FNBP4: variants seen among roughly 807,000 people sequenced by gnomAD.
The protein encoded by FNBP4 is formin binding protein 4.
FNBP4 carries 34 observed loss-of-function variants against 119.3 expected under a neutral mutation model. The ratio of observed to expected loss-of-function variants is 0.28; its 90% CI spans 0.22 to 0.38. FNBP4 has a LOEUF of 0.38. Ranked by LOEUF, FNBP4 falls within the 10% of genes least tolerant of loss-of-function variation. The pLI, the probability that FNBP4 is intolerant of heterozygous loss-of-function variation, is 1.00. For missense variants in FNBP4, 1,112 were observed against 1,228.9 expected (o/e 0.90, Z 1.42); for synonymous variants, 462 against 430.6 (o/e 1.07, Z -0.90).
rs1199962505 is a variant in FNBP4, at chr11:47,732,798, A to G, written c.1687-128T>C. The stretch of plus-strand genomic sequence containing the variant: ...CTGGCAGGACAGTAGACCAGAGAGG[A>G]AAATAAACCCCATCTTCATCTCATA... On this transcript the variant is annotated intron_variant, in intron 10 of 16. Transcript: ENST00000263773. This position sits in a 1 kb window ranked among gnomAD's most constrained non-coding sequence, Gnocchi z 4.2. The G allele has an allele frequency of 2.4e-6, 2 of 823,766 alleles. No individual in the cohort carries two copies. The highest frequency in any genetic ancestry group is 1.7e-5 in the African/African-American group (1 of 57,928). The allele number at this position is 823,766 out of a possible 1,614,324, so 51.0% of individuals were successfully genotyped here. A position where few individuals can be genotyped will look rare whatever the true frequency, so the allele number is the denominator to read the frequency against.
chr11:47,758,872 G>T (rs1459192764), intron 2 of FNBP4, among the ~76,000 whole-genome samples: 1 of 151,830 alleles, frequency 6.6e-6, no homozygotes, highest in Non-Finnish European at 1.5e-5. Context: ...AAAGCGGGGG[G>T]GAAAAGAGAG....
In FNBP4 at chr11:47,753,097, G is replaced by A. The variant is rs61733166; in HGVS notation, c.456C>T (p.Ile152=). The A allele has an allele frequency of 8.0e-5, 129 of 1,606,368 alleles. No individual in the cohort carries two copies. Among genetic ancestry groups the A allele is most frequent in the Admixed American group, 1.6e-4 (9 of 56,948 alleles). ...CAGGCTGAGGAGCTGTTATGGCATC[G>A]ATCTCCTTCAGTATGAAAAGAGTAA... is the stretch of plus-strand genomic sequence containing the variant. The part of the protein sequence containing the change: ...DSTLANFLAE[I]DAITAPQPAA... The change falls in exon 4 of 17, where the codon ATC becomes ATT. Residue 152 remains isoleucine, a synonymous_variant. Coordinates refer to ENST00000263773, the MANE Select transcript of FNBP4 (RefSeq NM_015308.5).
chr11:47,740,314 C>G (rs1186791708), intron 8 of FNBP4, among the ~76,000 whole-genome samples: 1 of 151,466 alleles, frequency 6.6e-6, no homozygotes, highest in Admixed American at 6.6e-5. Flanking sequence ...ACTCGGGAGG[C>G]TGAGATAGAA....
intron 14 of FNBP4, 29 bp from the exon 15 acceptor site, chr11:47,723,345 T>C (rs781676627): frequency 3.2e-6 from 5 of 1,562,038 alleles, no homozygotes; most frequent in Admixed American, 1.8e-5. Flanking sequence ...AATGATACTA[T>C]AAAAAGGACA....
chr11:47,719,135 G>A lies in FNBP4; in HGVS notation c.2963+794C>T, dbSNP rs182648902. ...GAATTCCTGACCTCGTGATCCACCC[G>A]CCTTGGCCTCCCAAAGTGCTGGGAT... On this transcript the variant is annotated intron_variant, in intron 16 of 16. Coordinates refer to ENST00000263773, the MANE Select transcript of FNBP4 (RefSeq NM_015308.5). Among the ~76,000 whole-genome samples, 655 of 152,156 alleles carry A rather than the reference G, an allele frequency of 4.3e-3. 1 individual carries two copies. Among genetic ancestry groups the A allele is most frequent in the African/African-American group, 0.015 (636 of 41,514 alleles).
rs2097649734 is a variant in FNBP4, at chr11:47,767,257, C to A, written c.32G>T (p.Arg11Leu). 1 of 1,557,094 alleles carries A rather than the reference C, an allele frequency of 6.4e-7. No individual in the cohort carries two copies. The highest frequency in any genetic ancestry group is 8.6e-7 in the Non-Finnish European group (1 of 1,160,104). The change falls in exon 1 of 17, where the codon CGT (arginine) becomes CTT (leucine). Residue 11 changes from arginine (R) to leucine (L), a missense_variant. By Grantham distance (102) the Arg-to-Leu change is moderately radical. This residue lies in a region of FNBP4 where 286 missense variants were observed against 240.1 expected (regional missense o/e 1.19). Coordinates refer to ENST00000263773, the MANE Select transcript of FNBP4 (RefSeq NM_015308.5). ...CGGAGAGAGTTGCAGGATGGGCCTA[C>A]GGCCGGGTACCGCCCGGGACTTCTT... MGKKSRAVPG[R>L]RPILQLSPPG...
At position 47,732,373 on chromosome 11, in the gene FNBP4, G is replaced by T; in HGVS notation, c.1820+164C>A. On this transcript the variant is annotated intron_variant, in intron 11 of 16. Transcript: ENST00000263773. This position sits in a 1 kb window ranked among gnomAD's most constrained non-coding sequence, Gnocchi z 4.2. The stretch of plus-strand genomic sequence containing the variant: ...AACATTGCTTTTGTTTCTCCAATGT[G>T]TGGCTGGCCAAACTTTGTGCTTGCG... The T allele has an allele frequency of 2.0e-6, 3 of 1,511,288 alleles. No homozygotes were observed. The highest frequency in any genetic ancestry group is 2.6e-6 in the Non-Finnish European group (3 of 1,133,150). The allele number at this position is 1,511,288 out of a possible 1,614,324, so 93.6% of individuals were successfully genotyped here.
At chr11:47,726,418 T>G (rs1448682951) in intron 12 of FNBP4, 1 of 151,104 alleles carries the variant, frequency 6.6e-6, no homozygotes, top group East Asian at 1.9e-4. Context: ...TTTTTTTTTT[T>G]TTTTTTTTTT....
intron 10 of FNBP4, among the ~76,000 whole-genome samples, chr11:47,733,057 G>A (rs2097569313): frequency 6.6e-6 from 1 of 152,214 alleles, no homozygotes. Context: ...GGCGGAGGTT[G>A]TGGTGAGCCG....
rs368708485 is a variant in FNBP4, at chr11:47,738,610, T to G, written c.1457-1870A>C. On this transcript the variant is annotated intron_variant, in intron 8 of 16. Coordinates refer to ENST00000263773, the MANE Select transcript of FNBP4 (RefSeq NM_015308.5). ...TAAAAAGCCAAAAATACCTCAAATG[T>G]GAAAACCGTGACTTTGGGTAATCCT... Among the ~76,000 whole-genome samples the G allele has an allele frequency of 1.3e-4, 20 of 152,200 alleles. 1 individual carries two copies. In the East Asian group the frequency reaches 3.3e-3, roughly 25 times the overall value.
intron 2 of FNBP4, among the ~76,000 whole-genome samples, chr11:47,759,742 C>G (rs1237867964): frequency 6.6e-6 from 1 of 151,960 alleles, no homozygotes; most frequent in Non-Finnish European, 1.5e-5. Flanking sequence ...CACCTGAGGT[C>G]AGGAGTTCAA....
rs2097586205 is a variant in FNBP4 at position 47,744,241 on chromosome 11, T to C, written c.1246-78A>G. The C allele has an allele frequency of 7.0e-6, 9 of 1,279,284 alleles. No individual in the cohort carries two copies. In the South Asian group the frequency reaches 1.2e-4, roughly 17 times the overall value. The allele number at this position is 1,279,284 out of a possible 1,614,324, so 79.2% of individuals were successfully genotyped here. On this transcript the variant is annotated intron_variant, in intron 7 of 16. Coordinates refer to ENST00000263773, the MANE Select transcript of FNBP4 (RefSeq NM_015308.5). ...ATAATCAGAATAATAAACAAGACTA[T>C]GTTGTTGAAATTTAAATTCTTTGAG...
chr11:47,726,767 GAACT>G (rs1319413743), intron 12 of FNBP4: 4 of 152,192 alleles, frequency 2.6e-5, no homozygotes, highest in African/African-American at 9.6e-5. Flanking sequence ...GACTACATCA[GAACT>G]AAGTCAATAA....
intron 6 of FNBP4, among the ~76,000 whole-genome samples, chr11:47,747,186 G>A (rs2097592197): frequency 6.6e-6 from 1 of 152,038 alleles, no homozygotes. Flanking sequence ...TTACAGGGAT[G>A]CACCACTACA....
chr11:47,762,820 G>T (rs926008499), intron 2 of FNBP4, among the ~76,000 whole-genome samples: 9 of 147,154 alleles, frequency 6.1e-5, no homozygotes, highest in African/African-American at 2.2e-4. Flanking sequence ...TGAGGAAGGA[G>T]AATCGCCGGA....
Position 47,743,788 on chromosome 11 carries a change from GA to G in FNBP4, c.1456+164del, listed in dbSNP as rs1036867984. On this transcript the variant is annotated intron_variant, in intron 8 of 16. Transcript: ENST00000263773. ...GGCTCTTACTCCTCTACTAGAAAAA[GA>G]TCTGGAAAAGGTAGAGAGGTGGATG... The G allele has an allele frequency of 2.2e-5, 14 of 646,636 alleles. 2 individuals carry two copies. In the African/African-American group the frequency reaches 2.6e-4, roughly 12 times the overall value. The allele number at this position is 646,636 out of a possible 1,614,324, so 40.1% of individuals were successfully genotyped here.
At chr11:47,753,267 G>A (rs2097607997) in intron 3 of FNBP4, among the ~76,000 whole-genome samples, 165 bp from the exon 4 acceptor site, 1 of 152,142 alleles carries the variant, frequency 6.6e-6, no homozygotes, top group African/African-American at 2.4e-5. Context: ...TTGAGGTCAG[G>A]AATTCGAGAC....
At chr11:47,729,036 G>A in intron 12 of FNBP4, 1 of 365,036 alleles carries the variant, frequency 2.7e-6, no homozygotes, top group South Asian at 1.1e-4. Context: ...ACTTTTAGTA[G>A]AGGCAGGGTT....
chr11:47,740,662 C>G (rs1474995001), intron 8 of FNBP4, among the ~76,000 whole-genome samples: 2 of 151,436 alleles, frequency 1.3e-5, no homozygotes, highest in East Asian at 3.9e-4. Context: ...GGCACAAACT[C>G]GGCTCACTCC....
Sources: allele counts gnomAD v4.1 joint callset (sites outside exome capture counted in the v4.1 genomes callset), GRCh38; gene constraint gnomAD v4.1.1; regional missense constraint gnomAD v4.1.1; non-coding constraint Gnocchi (gnomAD v3.1); transcripts MANE v1.5; gene names NCBI Gene and HGNC (gene_info 2026-07-23, HGNC 2026-07-21).